NDUFAF6: variants seen among roughly 807,000 people sequenced by gnomAD.
The protein encoded by NDUFAF6 is NADH:ubiquinone oxidoreductase complex assembly factor 6.
In NDUFAF6, 45 loss-of-function variants were observed where a neutral mutation model predicts 40.8. The observed-to-expected ratio is 1.10, with a 90% CI of 0.87 to 1.42. NDUFAF6 has a LOEUF of 1.42. Among genes scored for constraint, NDUFAF6 ranks in the 40% most tolerant of loss-of-function variants. The pLI is 0.00. For missense variants in NDUFAF6, 435 were observed against 418.5 expected (o/e 1.04, Z -0.34); for synonymous variants, 185 against 155.9 (o/e 1.19, Z -1.39).
At chr8:95,098,405 C>T (rs186393372), upstream of NDUFAF6, among the ~76,000 whole-genome samples, 590 of 152,314 alleles carry the variant, frequency 3.9e-3, 3 homozygotes, top group African/African-American at 0.011. Context: ...CAGTGGCTCA[C>T]GCCTGTAATC....
At chr8:95,052,066 C>A in intron 7 of NDUFAF6, 108 bp from the exon 8 acceptor site, 1 of 1,012,312 alleles carries the variant, frequency 9.9e-7, no homozygotes. Context: ...TGTTTTCTTG[C>A]ATTTGAGAGA....
At chr8:95,063,346 A>C (rs1399582297), downstream of NDUFAF6, among the ~76,000 whole-genome samples, 2 of 152,196 alleles carry the variant, frequency 1.3e-5, no homozygotes, top group Non-Finnish European at 2.9e-5. Flanking sequence ...CACGCCTGTA[A>C]TCTCAACACT....
chr8:95,039,589 A>T (rs1345180957), intron 3 of NDUFAF6, among the ~76,000 whole-genome samples: 1 of 151,612 alleles, frequency 6.6e-6, no homozygotes, highest in African/African-American at 2.4e-5. Context: ...ATATTTTCTA[A>T]GAATAGTGAT....
At chr8:94,951,775 A>C (rs1822643769) in intron 2 of NDUFAF6, among the ~76,000 whole-genome samples, 1 of 152,188 alleles carries the variant, frequency 6.6e-6, no homozygotes, top group African/African-American at 2.4e-5. Flanking sequence ...TACTGCCTGT[A>C]TCTGGGGTGG....
downstream of NDUFAF6, chr8:95,078,662 A>AAAATATATATATATATATAT (rs545018367): frequency 3.3e-5 from 4 of 121,042 alleles, no homozygotes; most frequent in African/African-American, 1.3e-4. Flanking sequence ...AAAAAAAAAA[A>AAAATATATATATATATATAT]ATATATATAT....
chr8:95,094,748 CTTCT>C (rs1319963681), intron 2 of NDUFAF6, among the ~76,000 whole-genome samples: 4 of 74,252 alleles, frequency 5.4e-5, no homozygotes, highest in African/African-American at 1.3e-4. Context: ...TCTTCTTCTT[CTTCT>C]TTTTTTTTTT....
At chr8:95,036,198 C>A in intron 3 of NDUFAF6, 1 of 885,384 alleles carries the variant, frequency 1.1e-6, no homozygotes, top group Non-Finnish European at 1.5e-6. Flanking sequence ...ATGGATCCCT[C>A]ACTCATAAGC....
intron 2 of NDUFAF6, among the ~76,000 whole-genome samples, chr8:94,998,207 T>C (rs2340536): frequency 0.1 from 15,987 of 152,264 alleles, 1,054 homozygotes; most frequent in Middle Eastern, 0.22. Context: ...CTATAAAATA[T>C]TTTGGAGGAA....
intron 2 of NDUFAF6, among the ~76,000 whole-genome samples, chr8:95,094,948 T>G (rs1809403763): frequency 6.7e-6 from 1 of 149,088 alleles, no homozygotes; most frequent in African/African-American, 2.6e-5. Context: ...AGTTTGGGGG[T>G]GGCGGGGGGT....
chr8:95,041,927 T>C (rs947013564), intron 4 of NDUFAF6, among the ~76,000 whole-genome samples: 18 of 152,060 alleles, frequency 1.2e-4, no homozygotes, highest in Non-Finnish European at 2.6e-4. Flanking sequence ...ATGTGTAGAG[T>C]ATCTGGTGAC....
intron 4 of NDUFAF6, among the ~76,000 whole-genome samples, chr8:95,111,940 A>G (rs1197905426): frequency 6.6e-6 from 1 of 152,066 alleles, no homozygotes; most frequent in African/African-American, 2.4e-5. Flanking sequence ...CCCTGCTTCC[A>G]GTATGGTTCT....
At chr8:95,045,223 TAATGTCTA>T (rs1485928626) in intron 4 of NDUFAF6, among the ~76,000 whole-genome samples, 12 of 152,288 alleles carry the variant, frequency 7.9e-5, no homozygotes, top group Non-Finnish European at 1.3e-4. Flanking sequence ...AGTGCCTACG[TAATGTCTA>T]AAGTGCCTAT....
intron 2 of NDUFAF6, among the ~76,000 whole-genome samples, chr8:95,032,378 A>G (rs1262987141): frequency 6.6e-6 from 1 of 152,210 alleles, no homozygotes; most frequent in Non-Finnish European, 1.5e-5. Flanking sequence ...TTGTCTGCTA[A>G]TTAAATAGGT....
At position 94,998,417 on chromosome 8, in the gene NDUFAF6, C is replaced by T. The variant is rs532885900; in HGVS notation, c.-84+17444C>T. Among the ~76,000 whole-genome samples, 26 of 151,300 alleles carry T rather than the reference C, an allele frequency of 1.7e-4. No individual in the cohort carries two copies. In the East Asian group the frequency reaches 1.9e-3, roughly 11 times the overall value. On this transcript the variant is annotated intron_variant, in intron 2 of 9. Coordinates refer to the NDUFAF6 transcript ENST00000396111. ...ACACACACACACACACACACACACA[C>T]GCAATGACAGCATATTAAGGATACT...
chr8:94,930,750 A>C (rs1290188188), intron 1 of NDUFAF6: 10 of 1,611,460 alleles, frequency 6.2e-6, no homozygotes, highest in Non-Finnish European at 7.6e-6. Context: ...AAAAGTGGGG[A>C]TGTATTAAAT....
chr8:94,945,403 GT>G (rs1821901539), intron 1 of NDUFAF6: 1 of 152,136 alleles, frequency 6.6e-6, no homozygotes, highest in East Asian at 1.9e-4. Context: ...AACTTCACCA[GT>G]TTCTTTTTCC....
intron 9 of NDUFAF6, chr8:95,073,299 C>T (rs1832931289): frequency 6.6e-6 from 1 of 152,244 alleles, no homozygotes; most frequent in Non-Finnish European, 1.5e-5. Flanking sequence ...CGGGTCTCCC[C>T]GTTTTTTCCT....
intron 4 of NDUFAF6, among the ~76,000 whole-genome samples, chr8:95,043,057 T>G (rs980845175): frequency 6.6e-6 from 1 of 151,944 alleles, no homozygotes; most frequent in African/African-American, 2.4e-5. Context: ...GGTGTAAATC[T>G]TAATGACTTT....
chr8:95,019,579 A>T (rs1254924149), intron 2 of NDUFAF6, among the ~76,000 whole-genome samples: 1 of 152,210 alleles, frequency 6.6e-6, no homozygotes, highest in Non-Finnish European at 1.5e-5. Flanking sequence ...GAGAAAAAAA[A>T]CCTAAAGAAA....
Sources: gnomAD v4.1 joint callset for allele counts (sites outside exome capture counted in the v4.1 genomes callset) on GRCh38, gnomAD v4.1.1 for gene constraint, MANE v1.5 for transcripts, NCBI Gene and HGNC (gene_info 2026-07-23, HGNC 2026-07-21) for gene names.